GRM7: variants seen among roughly 807,000 people sequenced by gnomAD.
GRM7 encodes glutamate metabotropic receptor 7.
Under a neutral mutation model 84.5 loss-of-function variants are expected in GRM7, and 35 were observed. The observed-to-expected ratio is 0.41, with a 90% confidence interval of 0.32 to 0.55. The LOEUF (loss-of-function observed/expected upper bound fraction) is 0.55, where lower values mean the gene tolerates loss of function less well. Ranked by LOEUF, GRM7 falls within the 20% of genes least tolerant of loss-of-function variation. GRM7 has a pLI of 0.19. For missense variants in GRM7, 1,003 were observed against 1,194.6 expected (o/e 0.84, Z 2.36); for synonymous variants, 487 against 455.1 (o/e 1.07, Z -0.89).
chr3:7,465,766 G>T (rs77061357), intron 7 of GRM7, among the ~76,000 whole-genome samples: 122 of 152,162 alleles, frequency 8.0e-4, no homozygotes, highest in Non-Finnish European at 1.5e-3. Context: ...TTTCTCTGTG[G>T]TCAGTAATTG....
intron 4 of GRM7, among the ~76,000 whole-genome samples, chr3:7,393,024 G>A (rs925131826): frequency 1.3e-4 from 20 of 152,082 alleles, no homozygotes; most frequent in Non-Finnish European, 5.9e-5. Flanking sequence ...ATGCACCTTG[G>A]GCCGAGACCA....
At chr3:7,645,257 A>G (rs1237749054) in intron 8 of GRM7, among the ~76,000 whole-genome samples, 2 of 152,036 alleles carry the variant, frequency 1.3e-5, no homozygotes, top group African/African-American at 2.4e-5. Context: ...TGAATTTTCT[A>G]CTGTCAGTTG....
intron 8 of GRM7, among the ~76,000 whole-genome samples, chr3:7,591,891 T>G (rs1379422314): frequency 6.6e-6 from 1 of 152,282 alleles, no homozygotes; most frequent in African/African-American, 2.4e-5. Context: ...AGAAAGTTGC[T>G]TATCAGGACC....
intron 1 of GRM7, among the ~76,000 whole-genome samples, chr3:6,972,060 TTC>T (rs1177669961): frequency 6.6e-6 from 1 of 152,210 alleles, no homozygotes; most frequent in Non-Finnish European, 1.5e-5. Flanking sequence ...TATTATTATT[TTC>T]TCTGTTTTGC....
intron 7 of GRM7, among the ~76,000 whole-genome samples, chr3:7,537,882 C>G (rs957867491): frequency 6.6e-6 from 1 of 152,142 alleles, no homozygotes; most frequent in Non-Finnish European, 1.5e-5. Flanking sequence ...CCAATATGGT[C>G]TACAGTCTGA....
chr3:7,693,804 G>C (rs1700907836), intron 9 of GRM7: 1 of 615,190 alleles, frequency 1.6e-6, no homozygotes, highest in East Asian at 2.8e-5. Flanking sequence ...TTAGTCGGGG[G>C]TAGTTCTCAT....
intron 7 of GRM7, among the ~76,000 whole-genome samples, chr3:7,555,890 T>C (rs549121261): frequency 1.3e-5 from 2 of 152,228 alleles, no homozygotes; most frequent in South Asian, 4.1e-4. Flanking sequence ...AGACACCCTA[T>C]AGGAAGGGCC....
chr3:7,144,790 T>A (rs774415555), intron 1 of GRM7, among the ~76,000 whole-genome samples: 4 of 152,190 alleles, frequency 2.6e-5, no homozygotes, highest in Admixed American at 6.5e-5. Flanking sequence ...CCTATTTTAC[T>A]TGCATTAAAC....
At chr3:6,954,975 T>C (rs1455555460) in intron 1 of GRM7, among the ~76,000 whole-genome samples, 1 of 152,210 alleles carries the variant, frequency 6.6e-6, no homozygotes, top group Non-Finnish European at 1.5e-5. Flanking sequence ...GGGTTAATAA[T>C]ATTCCCCTCC....
chr3:7,386,525 A>G (rs752627416), intron 4 of GRM7, among the ~76,000 whole-genome samples: 10 of 152,054 alleles, frequency 6.6e-5, no homozygotes, highest in Non-Finnish European at 1.5e-4. Context: ...AATATGTGGT[A>G]TTTGGTTTTC....
chr3:7,387,089 A>G (rs1248605655), intron 4 of GRM7, among the ~76,000 whole-genome samples: 2 of 152,070 alleles, frequency 1.3e-5, no homozygotes, highest in Non-Finnish European at 2.9e-5. Context: ...GACATTTCTC[A>G]AAAGAAGTCC....
chr3:7,529,450 G>T (rs1409836883), intron 7 of GRM7, among the ~76,000 whole-genome samples: 1 of 152,096 alleles, frequency 6.6e-6, no homozygotes, highest in Non-Finnish European at 1.5e-5. Flanking sequence ...GACACTGCAA[G>T]GGAAGTCTGT....
intron 1 of GRM7, among the ~76,000 whole-genome samples, chr3:6,923,326 GAA>G (rs34360084): frequency 0.08 from 12,007 of 150,908 alleles, 580 homozygotes; most frequent in Admixed American, 0.11. Flanking sequence ...ACACGAACAT[GAA>G]AAAAAAAAGC....
At chr3:7,312,933 TTTC>T (rs1214458641) in intron 4 of GRM7, among the ~76,000 whole-genome samples, 1 of 115,340 alleles carries the variant, frequency 8.7e-6, no homozygotes, top group Non-Finnish European at 1.6e-5. Context: ...TTTTTCTTTT[TTTC>T]TTTTTTTTTT....
chr3:7,483,142 A>G (rs1699196142), intron 7 of GRM7, among the ~76,000 whole-genome samples: 1 of 152,200 alleles, frequency 6.6e-6, no homozygotes, highest in South Asian at 2.1e-4. Context: ...CTCTATGCCA[A>G]GTTGTATTGT....
chr3:7,231,937 T>C (rs1697208880), intron 2 of GRM7, among the ~76,000 whole-genome samples: 1 of 152,110 alleles, frequency 6.6e-6, no homozygotes, highest in African/African-American at 2.4e-5. Flanking sequence ...TTTCAGCCCA[T>C]GGGAAGCTGC....
At chr3:7,440,550 C>CAATT (rs1428971911) in intron 5 of GRM7, among the ~76,000 whole-genome samples, 1 of 152,042 alleles carries the variant, frequency 6.6e-6, no homozygotes, top group African/African-American at 2.4e-5. Context: ...CAGCTTGGTT[C>CAATT]TGTAGACAAA....
intron 1 of GRM7, among the ~76,000 whole-genome samples, chr3:6,889,212 A>G (rs1401027501): frequency 6.6e-6 from 1 of 152,118 alleles, no homozygotes; most frequent in African/African-American, 2.4e-5. Context: ...TCCTAATTGA[A>G]TGCCCTTTAT....
At chr3:7,136,550 G>A (rs1027376992) in intron 1 of GRM7, among the ~76,000 whole-genome samples, 242 of 147,704 alleles carry the variant, frequency 1.6e-3, no homozygotes, top group African/African-American at 6.2e-3. Flanking sequence ...AGTATGCCGA[G>A]GAAAAGAAAA....
Sources: gnomAD v4.1 joint callset for allele counts (sites outside exome capture counted in the v4.1 genomes callset) on GRCh38, gnomAD v4.1.1 for gene constraint, MANE v1.5 for transcripts, NCBI Gene and HGNC (gene_info 2026-07-23, HGNC 2026-07-21) for gene names.